ADAMTS17: variants seen among roughly 807,000 people sequenced by gnomAD.
The protein encoded by ADAMTS17 is A disintegrin and metalloproteinase with thrombospondin motifs 17.
In ADAMTS17, 113 loss-of-function variants were observed where a neutral mutation model predicts 141.5. That is an observed-to-expected ratio of 0.80 (90% CI 0.69 to 0.93). The LOEUF (loss-of-function observed/expected upper bound fraction) is 0.93, where lower values mean the gene tolerates loss of function less well. Ranked by LOEUF, ADAMTS17 falls within the 40% of genes least tolerant of loss-of-function variation. ADAMTS17 has a pLI of 0.00. For missense variants in ADAMTS17, 1,659 were observed against 1,517.9 expected, an observed-to-expected ratio of 1.09 and a Z score of -1.54; for synonymous variants, 768 against 630.6, an observed-to-expected ratio of 1.22 and a Z score of -3.27.
At chr15:100,270,408 T>C (rs2043865110) in intron 4 of ADAMTS17, among the ~76,000 whole-genome samples, 1 of 152,198 alleles carries the variant, frequency 6.6e-6, no homozygotes, top group Non-Finnish European at 1.5e-5. Flanking sequence ...TTATTATATT[T>C]ATGCATAAAC....
intron 15 of ADAMTS17, among the ~76,000 whole-genome samples, chr15:100,071,237 G>T (rs1474273355): frequency 6.7e-6 from 1 of 150,202 alleles, no homozygotes; most frequent in Non-Finnish European, 1.5e-5. Flanking sequence ...CTCAGAAATT[G>T]AGGCAATAAT....
At chr15:100,090,684 C>T (rs76541974) in intron 15 of ADAMTS17, among the ~76,000 whole-genome samples, 2,106 of 152,244 alleles carry the variant, frequency 0.014, 47 homozygotes, top group African/African-American at 0.047. Flanking sequence ...CTCTGCTAAC[C>T]GTCCTACGAC....
chr15:100,314,726 A>G (rs1692556064), intron 3 of ADAMTS17, among the ~76,000 whole-genome samples: 3 of 152,218 alleles, frequency 2.0e-5, no homozygotes, highest in Admixed American at 2.0e-4. Context: ...GCATCGTCAG[A>G]CAAGACTTTG....
chr15:100,057,819 G>A (rs941499746), intron 15 of ADAMTS17, among the ~76,000 whole-genome samples: 2 of 152,106 alleles, frequency 1.3e-5, no homozygotes, highest in African/African-American at 4.8e-5. Context: ...CCACAGAGAG[G>A]ACAGGCAGGA....
In ADAMTS17 at chr15:100,283,949, T is replaced by A. The variant is rs142830967; in HGVS notation, c.617-2548A>T. 1.3e-3 allele frequency among the ~76,000 whole-genome samples: 205 copies of A among 152,208 alleles called. 1 individual carries two copies. The highest frequency in any genetic ancestry group is 4.7e-3 in the African/African-American group (194 of 41,536). ...GGTGAAACCCCGTCTCTACTAAAAT[T>A]ACAAAAATTAGCCAGGCATGGTGGT... On this transcript the variant is annotated intron_variant, in intron 3 of 21. Coordinates refer to ENST00000268070, the MANE Select transcript of ADAMTS17 (RefSeq NM_139057.4).
intron 7 of ADAMTS17, among the ~76,000 whole-genome samples, chr15:100,215,459 G>T (rs940543134): frequency 1.3e-5 from 2 of 152,112 alleles, no homozygotes; most frequent in Non-Finnish European, 2.9e-5. Flanking sequence ...CAGTATGACC[G>T]ATTCTCCTTC....
intron 10 of ADAMTS17, among the ~76,000 whole-genome samples, chr15:100,142,912 C>T (rs908312828): frequency 1.3e-5 from 2 of 152,202 alleles, no homozygotes; most frequent in African/African-American, 4.8e-5. Context: ...AACATGCACA[C>T]CTCGGGTCCT....
intron 10 of ADAMTS17, among the ~76,000 whole-genome samples, chr15:100,136,179 C>T (rs779464185): frequency 6.6e-6 from 1 of 152,112 alleles, no homozygotes; most frequent in Admixed American, 6.5e-5. Context: ...ACCCAAATGC[C>T]CATCAAGAGC....
chr15:100,067,292 T>G (rs1263196576), intron 15 of ADAMTS17, among the ~76,000 whole-genome samples: 1 of 151,886 alleles, frequency 6.6e-6, no homozygotes. Flanking sequence ...CCTTCAACAC[T>G]TGAAATACAC....
rs1015473911 is a variant in ADAMTS17 at position 100,122,578 on chromosome 15, C to A, written c.1722-5565G>T. Reference sequence around the variant, plus strand: ...CATGTAGTAGAAAATCCACATATAACTTTTAACACCCCCAAAATTAACTAT... The same window carrying A: ...CATGTAGTAGAAAATCCACATATAAATTTTAACACCCCCAAAATTAACTAT... On this transcript the variant is annotated intron_variant, in intron 12 of 21. Transcript: ENST00000268070. Among the ~76,000 whole-genome samples the A allele has an allele frequency of 2.6e-5, 4 of 152,146 alleles. No individual in the cohort carries two copies. The South Asian group carries it at 6.2e-4, about 24-fold the overall frequency.
intron 7 of ADAMTS17, among the ~76,000 whole-genome samples, chr15:100,232,945 T>C (rs1260684703): frequency 1.3e-5 from 2 of 152,146 alleles, no homozygotes; most frequent in Non-Finnish European, 2.9e-5. Flanking sequence ...CCCATGTCAG[T>C]TTTTAAAGGG....
chr15:100,279,800 C>T (rs2044222964), intron 4 of ADAMTS17, among the ~76,000 whole-genome samples: 1 of 152,210 alleles, frequency 6.6e-6, no homozygotes, highest in Admixed American at 6.5e-5. Flanking sequence ...CCAAGATCAG[C>T]AACTTGGCTG....
chr15:100,324,638 G>T (rs923850804), intron 3 of ADAMTS17, among the ~76,000 whole-genome samples: 2 of 152,176 alleles, frequency 1.3e-5, no homozygotes, highest in Non-Finnish European at 2.9e-5. Flanking sequence ...TTGTGGATTT[G>T]CTCAAGAGGC....
chr15:100,230,807 C>G lies in ADAMTS17; in HGVS notation c.1075+23329G>C, dbSNP rs571278842. ...TGAATTTAAACACACACACACCTAG[C>G]TTCGGAAACATGTCCACTGTTGATA... On this transcript the variant is annotated intron_variant, in intron 7 of 21. Coordinates refer to ENST00000268070, the MANE Select transcript of ADAMTS17 (RefSeq NM_139057.4). Among the ~76,000 whole-genome samples the G allele has an allele frequency of 1.1e-3, 66 of 59,658 alleles. No homozygotes were observed. The South Asian group carries it at 0.014, about 12-fold the overall frequency. 39.1% of individuals were successfully genotyped at this position (59,658 alleles called of 152,430 possible). A position where few individuals can be genotyped will look rare whatever the true frequency, so the allele number is the denominator to read the frequency against.
At chr15:100,048,044 T>C (rs1319146281) in intron 18 of ADAMTS17, among the ~76,000 whole-genome samples, 1 of 152,128 alleles carries the variant, frequency 6.6e-6, no homozygotes, top group Non-Finnish European at 1.5e-5. Flanking sequence ...AGGGGGTCGG[T>C]GCAAAAGCCA....
rs1203477456 is a variant in ADAMTS17 at position 99,973,306 on chromosome 15, C to T, written c.*1096G>A. 1 of 152,228 alleles carries T rather than the reference C, an allele frequency of 6.6e-6. No homozygotes were observed. The highest frequency in any genetic ancestry group is 1.5e-5 in the Non-Finnish European group (1 of 68,122). 9.4% of individuals were successfully genotyped at this position (152,228 alleles called of 1,614,324 possible). On this transcript the variant is annotated 3_prime_UTR_variant, in exon 22 of 22. Transcript: ENST00000268070. The stretch of plus-strand genomic sequence containing the variant: ...GCAGCAGTGCCAGCCAGATGGCGTT[C>T]CTCCCCTGGTCCTGGCACATCAGGC...
intron 6 of ADAMTS17, 53 bp from the exon 7 acceptor site, chr15:100,254,232 A>G (rs1164203710): frequency 6.6e-7 from 1 of 1,515,696 alleles, no homozygotes; most frequent in Non-Finnish European, 9.2e-7. Flanking sequence ...CAAGAATGGG[A>G]GAAGAAAACA....
chr15:100,170,491 A>G (rs1016878552), intron 8 of ADAMTS17, among the ~76,000 whole-genome samples: 8 of 152,224 alleles, frequency 5.3e-5, no homozygotes, highest in Non-Finnish European at 1.2e-4. Flanking sequence ...CTACCTTTGC[A>G]TAATCCAGCC....
chr15:100,097,544 C>T lies in ADAMTS17; in HGVS notation c.2017-1068G>A, dbSNP rs547175065. On this transcript the variant is annotated intron_variant, in intron 14 of 21. Coordinates refer to ENST00000268070, the MANE Select transcript of ADAMTS17 (RefSeq NM_139057.4). ...CGCCTCGGGTGCCAGGCTGGCTGCACGCGCATCCCTGGAGGCAAGTGCCTG... is the reference window on the plus strand; with the variant it reads ...CGCCTCGGGTGCCAGGCTGGCTGCATGCGCATCCCTGGAGGCAAGTGCCTG... Among the ~76,000 whole-genome samples the T allele has an allele frequency of 1.2e-4, 19 of 152,376 alleles. No homozygotes were observed. The East Asian group carries it at 1.7e-3, about 14-fold the overall frequency.
Sources: allele counts gnomAD v4.1 joint callset (sites outside exome capture counted in the v4.1 genomes callset), GRCh38; gene constraint gnomAD v4.1.1; transcripts MANE v1.5; gene names NCBI Gene and HGNC (gene_info 2026-07-23, HGNC 2026-07-21).